Variants in RAB3GAP1 observed in about 807,000 individuals in gnomAD.
RAB3GAP1 encodes RAB3 GTPase activating protein catalytic subunit 1.
Under a neutral mutation model 130.7 loss-of-function variants are expected in RAB3GAP1, and 86 were observed. The ratio of observed to expected loss-of-function variants is 0.66; its 90% confidence interval spans 0.55 to 0.79. The LOEUF (loss-of-function observed/expected upper bound fraction) is 0.79. Among genes scored for constraint, RAB3GAP1 ranks in the 30% least tolerant of loss-of-function variants. The pLI is 0.00. For missense variants in RAB3GAP1, 1,029 were observed against 1,169.4 expected (o/e 0.88, Z 1.75); for synonymous variants, 367 against 401.7 (o/e 0.91, Z 1.03).
Position 135,120,819 on chromosome 2 carries a change from G to T in RAB3GAP1, c.649G>T (p.Gly217Ter). ...TATTGTCTTTGCATGTATTTCCTAGGGATGTCCTTTAACTCCATTGCCTCC... is the reference window on the plus strand; with the variant it reads ...TATTGTCTTTGCATGTATTTCCTAGTGATGTCCTTTAACTCCATTGCCTCC... ...GLLDIFKSKIGCPLTPLPPVS... is the reference protein window; with the variant it reads ...GLLDIFKSKI The change falls in exon 8 of 24, where the codon GGA becomes TGA. Residue 217 changes from glycine to a stop codon, truncating the protein, a stop_gained and splice_region_variant. Coordinates refer to ENST00000264158, the MANE Select transcript of RAB3GAP1 (RefSeq NM_012233.3). LOFTEE classifies it high-confidence loss of function. 8 of 1,588,168 alleles carry T rather than the reference G, an allele frequency of 5.0e-6. No individual in the cohort carries two copies. The highest frequency in any genetic ancestry group is 6.9e-6 in the Non-Finnish European group (8 of 1,156,474).
intron 5 of RAB3GAP1, among the ~76,000 whole-genome samples, chr2:135,102,349 C>T (rs928954904): frequency 3.9e-5 from 6 of 152,228 alleles, no homozygotes; most frequent in Non-Finnish European, 8.8e-5. Flanking sequence ...CACAGCCTTG[C>T]AGCTACCTTG....
intron 13 of RAB3GAP1, among the ~76,000 whole-genome samples, chr2:135,132,598 G>A (rs1193025041): frequency 3.9e-5 from 6 of 152,140 alleles, no homozygotes; most frequent in African/African-American, 1.4e-4. Flanking sequence ...GGGTGAGCAT[G>A]AAGTCACAGT....
intron 19 of RAB3GAP1, among the ~76,000 whole-genome samples, chr2:135,156,014 TGATACAGA>T (rs1692301202): frequency 6.6e-6 from 1 of 152,116 alleles, no homozygotes; most frequent in Non-Finnish European, 1.5e-5. Flanking sequence ...TAGTAACTAC[TGATACAGA>T]GGAAATGTGT....
intron 8 of RAB3GAP1, among the ~76,000 whole-genome samples, chr2:135,122,527 T>G (rs1185734993): frequency 1.3e-5 from 2 of 152,182 alleles, no homozygotes; most frequent in African/African-American, 4.8e-5. Context: ...ATTGTCAGGT[T>G]TTTAAAATGG....
At position 135,111,030 on chromosome 2, in the gene RAB3GAP1, G is replaced by T. The variant is rs148403285; in HGVS notation, c.363-2121G>T. Among the ~76,000 whole-genome samples the T allele has an allele frequency of 3.0e-4, 45 of 152,250 alleles. No homozygotes were observed. The East Asian group carries it at 7.9e-3, about 27-fold the overall frequency. ...TTAGAGCTCAATTTTTAAAGCTCTA[G>T]ATTATTTTCATTATTTTATGCTGCC... On this transcript the variant is annotated intron_variant, in intron 5 of 23. Coordinates refer to ENST00000264158, the MANE Select transcript of RAB3GAP1 (RefSeq NM_012233.3).
chr2:135,156,188 A>G (rs1692304123), intron 19 of RAB3GAP1, among the ~76,000 whole-genome samples: 1 of 152,184 alleles, frequency 6.6e-6, no homozygotes, highest in African/African-American at 2.4e-5. Flanking sequence ...TCATAGAGAC[A>G]ATTATCAAGG....
intron 3 of RAB3GAP1, among the ~76,000 whole-genome samples, chr2:135,087,533 A>G (rs1314593452): frequency 6.6e-6 from 1 of 152,266 alleles, no homozygotes; most frequent in South Asian, 2.1e-4. Flanking sequence ...ATGTATCTCT[A>G]TTAGGTCTTT....
intron 3 of RAB3GAP1, among the ~76,000 whole-genome samples, chr2:135,069,903 C>G (rs1689421078): frequency 6.6e-6 from 1 of 152,146 alleles, no homozygotes; most frequent in African/African-American, 2.4e-5. Context: ...AAATTTTTAT[C>G]TGAGGAATGG....
Position 135,126,664 on chromosome 2 carries a change from A to G in RAB3GAP1, c.973+8A>G. 1 of 1,599,240 alleles carries G rather than the reference A, an allele frequency of 6.3e-7. No homozygotes were observed. Among genetic ancestry groups the G allele is most frequent in the Non-Finnish European group, 8.6e-7 (1 of 1,166,584 alleles). Reference sequence around the variant, plus strand: ...ATCCTCAGTGTTTGCTAGGTAAGGTATATTATGCTCCTTTCCTGAAATACT... The same window carrying G: ...ATCCTCAGTGTTTGCTAGGTAAGGTGTATTATGCTCCTTTCCTGAAATACT... On this transcript the variant is annotated splice_region_variant and intron_variant, in intron 11 of 23. Coordinates refer to ENST00000264158, the MANE Select transcript of RAB3GAP1 (RefSeq NM_012233.3).
chr2:135,130,450 A>G, intron 12 of RAB3GAP1, 102 bp from the exon 13 acceptor site: 2 of 1,011,876 alleles, frequency 2.0e-6, no homozygotes, highest in Non-Finnish European at 2.9e-6. Flanking sequence ...AACACTAGTA[A>G]AAAGAATGAG....
At chr2:135,165,356 T>A (rs1692607806) in intron 23 of RAB3GAP1, among the ~76,000 whole-genome samples, 2 of 152,210 alleles carry the variant, frequency 1.3e-5, no homozygotes, top group East Asian at 3.8e-4. Context: ...TCATTAATAT[T>A]AGGGATTCTG....
intron 5 of RAB3GAP1, among the ~76,000 whole-genome samples, chr2:135,110,285 C>T (rs1452101553): frequency 6.6e-6 from 1 of 152,100 alleles, no homozygotes; most frequent in African/African-American, 2.4e-5. Flanking sequence ...AGGCGCTCTC[C>T]ACCATGCCCA....
chr2:135,150,719 A>G (rs957554748), intron 18 of RAB3GAP1, among the ~76,000 whole-genome samples: 2 of 152,236 alleles, frequency 1.3e-5, no homozygotes, highest in Admixed American at 6.5e-5. Context: ...AGTATTATTA[A>G]TAGTTGAAAG....
At chr2:135,125,728 A>G (rs889412448) in intron 9 of RAB3GAP1, among the ~76,000 whole-genome samples, 3 of 152,228 alleles carry the variant, frequency 2.0e-5, no homozygotes, top group Admixed American at 6.5e-5. Flanking sequence ...GGATGGCACA[A>G]GATTTCATCA....
downstream of RAB3GAP1, among the ~76,000 whole-genome samples, chr2:135,172,769 T>C (rs1223227184): frequency 6.6e-6 from 1 of 152,062 alleles, no homozygotes; most frequent in African/African-American, 2.4e-5. Context: ...CATGTTAATT[T>C]TTAGAGGTTT....
At chr2:135,149,535 A>C (rs966995157) in intron 17 of RAB3GAP1, among the ~76,000 whole-genome samples, 1 of 152,224 alleles carries the variant, frequency 6.6e-6, no homozygotes, top group African/African-American at 2.4e-5. Context: ...GTTGTTATTC[A>C]ACCCTAAATC....
intron 3 of RAB3GAP1, among the ~76,000 whole-genome samples, chr2:135,078,249 G>T (rs994537994): frequency 1.1e-4 from 17 of 151,964 alleles, no homozygotes; most frequent in Admixed American, 9.8e-4. Context: ...AAGTAGTGAG[G>T]TTCTTTATGA....
At chr2:135,081,350 ATATATATATATACACACACGTG>A (rs1177447577) in intron 3 of RAB3GAP1, among the ~76,000 whole-genome samples, 64 of 96,890 alleles carry the variant, frequency 6.6e-4, no homozygotes, top group African/African-American at 3.3e-3. Context: ...ATATATATAT[ATATATATATATACACACACGTG>A]TGTGTGTGTA....
chr2:135,134,565 G>GC (rs1437473825), intron 15 of RAB3GAP1, among the ~76,000 whole-genome samples: 3 of 152,072 alleles, frequency 2.0e-5, no homozygotes, highest in Admixed American at 6.6e-5. Flanking sequence ...ATTTTCATTA[G>GC]CACATAGGTT....
Sources: allele counts gnomAD v4.1 joint callset (sites outside exome capture counted in the v4.1 genomes callset), GRCh38; gene constraint gnomAD v4.1.1; transcripts MANE v1.5; gene names NCBI Gene and HGNC (gene_info 2026-07-23, HGNC 2026-07-21).